HSPA4L: variants seen among roughly 807,000 people sequenced by gnomAD.
The protein encoded by HSPA4L is heat shock 70 kDa protein 4L.
In HSPA4L, 48 loss-of-function variants were observed where a neutral mutation model predicts 100.3. The observed-to-expected ratio is 0.48, with a 90% CI of 0.38 to 0.61. HSPA4L has a LOEUF of 0.61. Ranked by LOEUF, HSPA4L falls within the 20% of genes least tolerant of loss-of-function variation. The probability of loss-of-function intolerance (pLI) is 0.00; values close to 1 mark genes in which losing one functional copy is unlikely to be tolerated. For synonymous variants in HSPA4L, 319 were observed against 328.2 expected (o/e 0.97, Z 0.30); for missense variants, 886 against 988.6 (o/e 0.90, Z 1.39).
intron 9 of HSPA4L, 25 bp downstream of exon 9, chr4:127,805,249 G>A: frequency 7.7e-6 from 12 of 1,562,306 alleles, no homozygotes; most frequent in Non-Finnish European, 1.0e-5. Context: ...TTATTTTTTA[G>A]AATATGTATT....
rs1288930654 is a variant in HSPA4L, at chr4:127,838,564, C to T, written c.*5690C>T. The T allele has an allele frequency of 6.6e-6, 1 of 152,136 alleles. No individual in the cohort carries two copies. The highest frequency in any genetic ancestry group is 1.5e-5 in the Non-Finnish European group (1 of 68,018). 9.4% of individuals were successfully genotyped at this position (152,136 alleles called of 1,614,324 possible). ...TAATTTACGGTCATGCCCTAAGTCA[C>T]AGGATGATTATTAGGGAAATGTCAT... is the stretch of plus-strand genomic sequence containing the variant. On this transcript the variant is annotated 3_prime_UTR_variant, in exon 19 of 19. Transcript: ENST00000296464.
chr4:127,826,895 A>G (rs886901247), intron 16 of HSPA4L, among the ~76,000 whole-genome samples: 1 of 152,132 alleles, frequency 6.6e-6, no homozygotes. Flanking sequence ...TATCAGTCCC[A>G]GTAATTATGT....
intron 6 of HSPA4L, among the ~76,000 whole-genome samples, 194 bp downstream of exon 6, chr4:127,802,112 A>G (rs1019524627): frequency 6.6e-6 from 1 of 152,180 alleles, no homozygotes; most frequent in African/African-American, 2.4e-5. Context: ...TCAGGACAAA[A>G]TGAGTTAATG....
chr4:127,834,330 A>G lies in HSPA4L; in HGVS notation c.*1456A>G, dbSNP rs1166007978. ...TTATATTAGGAACAATTAAATATTG[A>G]CTTAAGTTGTAAAAATTGAGAGTAC... is the stretch of plus-strand genomic sequence containing the variant. On this transcript the variant is annotated 3_prime_UTR_variant, in exon 19 of 19. Coordinates refer to ENST00000296464, the MANE Select transcript of HSPA4L (RefSeq NM_014278.4). 2 of 152,312 alleles carry G rather than the reference A, an allele frequency of 1.3e-5. No individual in the cohort carries two copies. Among genetic ancestry groups the G allele is most frequent in the South Asian group, 4.1e-4 (2 of 4,828 alleles). The allele number at this position is 152,312 out of a possible 1,614,324, so 9.4% of individuals were successfully genotyped here. A position where few individuals can be genotyped will look rare whatever the true frequency, so the allele number is the denominator to read the frequency against.
At chr4:127,813,407 A>G (rs887599566) in intron 12 of HSPA4L, 5 of 467,294 alleles carry the variant, frequency 1.1e-5, no homozygotes, top group African/African-American at 1.9e-5. Flanking sequence ...CAATCTTTCC[A>G]TGTATCATTT....
chr4:127,830,504 T>C, intron 17 of HSPA4L, 134 bp from the exon 18 acceptor site: 1 of 564,124 alleles, frequency 1.8e-6, no homozygotes, highest in Non-Finnish European at 3.0e-6. Context: ...GTTATTCGTA[T>C]GGGGTTTCTT....
intron 12 of HSPA4L, among the ~76,000 whole-genome samples, chr4:127,816,255 CAG>C (rs1205262080): frequency 6.6e-6 from 1 of 152,112 alleles, no homozygotes; most frequent in Non-Finnish European, 1.5e-5. Context: ...TCAGTGAAGT[CAG>C]AGTCTAGAGG....
At chr4:127,825,126 T>C (rs1404279997) in intron 16 of HSPA4L, among the ~76,000 whole-genome samples, 5 of 149,986 alleles carry the variant, frequency 3.3e-5, no homozygotes, top group Non-Finnish European at 7.4e-5. Flanking sequence ...GGCGACAGAA[T>C]GAGACTCCAT....
At chr4:127,808,193 T>C (rs1733418600) in intron 11 of HSPA4L, 64 bp downstream of exon 11, 2 of 1,336,136 alleles carry the variant, frequency 1.5e-6, no homozygotes, top group Non-Finnish European at 2.1e-6. Context: ...TATTTTAGAA[T>C]CAAGGAAACA....
intron 12 of HSPA4L, among the ~76,000 whole-genome samples, chr4:127,815,133 C>A (rs1221415653): frequency 1.3e-5 from 2 of 151,398 alleles, no homozygotes; most frequent in South Asian, 2.1e-4. Flanking sequence ...TCAGCAGGAG[C>A]CTTTTTTTTT....
At chr4:127,831,367 A>G (rs372035039) in intron 18 of HSPA4L, among the ~76,000 whole-genome samples, 1 of 151,846 alleles carries the variant, frequency 6.6e-6, no homozygotes, top group African/African-American at 2.4e-5. Flanking sequence ...TGGGCGTGGT[A>G]GTGCATATCT....
rs1734162290 is a variant in HSPA4L at position 127,834,570 on chromosome 4, A to T, written c.*1696A>T. 2.0e-5 allele frequency: 3 copies of T among 152,216 alleles called. No individual in the cohort carries two copies. The South Asian group carries it at 6.2e-4, about 31-fold the overall frequency. 9.4% of individuals were successfully genotyped at this position (152,216 alleles called of 1,614,324 possible). On this transcript the variant is annotated 3_prime_UTR_variant, in exon 19 of 19. Transcript: ENST00000296464. ...TCTCCTAGTCTTTAAACTTTCTCTT[A>T]ATTCTCTTAAAATGAAATAGGTATA...
intron 15 of HSPA4L, among the ~76,000 whole-genome samples, chr4:127,823,136 G>C (rs1164343188): frequency 2.0e-5 from 3 of 151,946 alleles, no homozygotes; most frequent in Non-Finnish European, 4.4e-5. Flanking sequence ...GTCCTTCCAT[G>C]ATTTTTAATT....
intron 1 of HSPA4L, among the ~76,000 whole-genome samples, chr4:127,786,537 C>T (rs1732723458): frequency 6.6e-6 from 1 of 152,196 alleles, no homozygotes; most frequent in African/African-American, 2.4e-5. Flanking sequence ...ACAGTCATAG[C>T]TCACTGCAGC....
intron 12 of HSPA4L, among the ~76,000 whole-genome samples, chr4:127,817,125 G>A (rs898325748): frequency 4.6e-5 from 7 of 152,068 alleles, no homozygotes; most frequent in Non-Finnish European, 1.0e-4. Flanking sequence ...GAGTGCAGTG[G>A]CACGATCTCA....
intron 18 of HSPA4L, among the ~76,000 whole-genome samples, chr4:127,831,623 GAT>G (rs2148802002): frequency 6.6e-6 from 1 of 151,070 alleles, no homozygotes; most frequent in African/African-American, 2.4e-5. Flanking sequence ...TACATATAGA[GAT>G]ATCTGTTTAA....
At chr4:127,784,825 C>G (rs1732668672) in intron 1 of HSPA4L, among the ~76,000 whole-genome samples, 1 of 152,252 alleles carries the variant, frequency 6.6e-6, no homozygotes, top group South Asian at 2.1e-4. Flanking sequence ...CCTTTAACTT[C>G]TCTAATACAC....
intron 4 of HSPA4L, among the ~76,000 whole-genome samples, chr4:127,799,043 T>C (rs776809636): frequency 1.3e-5 from 2 of 152,184 alleles, no homozygotes; most frequent in Non-Finnish European, 2.9e-5. Flanking sequence ...TGAAAATTTC[T>C]AGTTGGGAAT....
chr4:127,807,976 G>A lies in HSPA4L; in HGVS notation c.1245-20G>A. ...CAACTTTCTATTTGTTTCTAAGTGA[G>A]TTCTTTCCCTCCATTTTAGGGAATG... On this transcript the variant is annotated intron_variant, in intron 10 of 18. Coordinates refer to ENST00000296464, the MANE Select transcript of HSPA4L (RefSeq NM_014278.4). 6.2e-7 allele frequency: 1 copy of A among 1,602,830 alleles called. No individual in the cohort carries two copies.
Sources: gnomAD v4.1 joint callset for allele counts (sites outside exome capture counted in the v4.1 genomes callset) on GRCh38, gnomAD v4.1.1 for gene constraint, MANE v1.5 for transcripts, NCBI Gene and HGNC (gene_info 2026-07-23, HGNC 2026-07-21) for gene names.